Variants in ERC1 observed in about 807,000 individuals in gnomAD.
The protein encoded by ERC1 is RAB6 interacting protein 2.
Under a neutral mutation model 132.0 loss-of-function variants are expected in ERC1, and 56 were observed. The ratio of observed to expected loss-of-function variants is 0.42; its 90% CI spans 0.34 to 0.53. The LOEUF is 0.53. ERC1 is among the 20% of genes least tolerant of loss of function. The probability of loss-of-function intolerance (pLI) is 0.03; values close to 1 mark genes in which losing one functional copy is unlikely to be tolerated. For synonymous variants in ERC1, 478 were observed against 476.1 expected (o/e 1.00, Z -0.05); for missense variants, 1,202 against 1,349.9 (o/e 0.89, Z 1.72).
chr12:1,024,548 A>G (rs1966808434), intron 1 of ERC1, among the ~76,000 whole-genome samples: 1 of 152,144 alleles, frequency 6.6e-6, no homozygotes, highest in African/African-American at 2.4e-5. Context: ...TGACAATATG[A>G]TTTACTTGGT....
chr12:1,060,775 G>C (rs1937674605), intron 2 of ERC1, among the ~76,000 whole-genome samples: 2 of 150,188 alleles, frequency 1.3e-5, no homozygotes, highest in Admixed American at 1.3e-4. Flanking sequence ...GCCCAGGCTG[G>C]AGTGCAGTGG....
rs373521450 is a variant in ERC1, at chr12:1,196,836, GTC to G, written c.2351+6790_2351+6791del. On this transcript the variant is annotated intron_variant, in intron 12 of 18. Transcript: ENST00000360905. ...TCTCTCTCTCTCTCTCTCTCTGTCT[GTC>G]TCTCTGTCTGTCTCTCTCTCACTCT... 8.0e-3 allele frequency among the ~76,000 whole-genome samples: 392 copies of G among 49,262 alleles called. 32 individuals carry two copies. The highest frequency in any genetic ancestry group is 0.036 in the African/African-American group (378 of 10,646). 32.3% of individuals were successfully genotyped at this position (49,262 alleles called of 152,430 possible). A position where few individuals can be genotyped will look rare whatever the true frequency, so the allele number is the denominator to read the frequency against.
intron 17 of ERC1, among the ~76,000 whole-genome samples, chr12:1,429,046 T>A (rs2092719576): frequency 6.6e-6 from 1 of 152,186 alleles, no homozygotes; most frequent in Admixed American, 6.5e-5. Context: ...AGATGGCTTT[T>A]TTTTGGTGAA....
intron 15 of ERC1, among the ~76,000 whole-genome samples, chr12:1,325,860 A>AC (rs2082411964): frequency 6.6e-6 from 1 of 151,906 alleles, no homozygotes; most frequent in African/African-American, 2.4e-5. Context: ...GCTTCTCCAA[A>AC]CCTGTTTGCA....
intron 18 of ERC1, among the ~76,000 whole-genome samples, chr12:1,453,853 G>C (rs995202417): frequency 3.3e-5 from 5 of 151,984 alleles, no homozygotes; most frequent in Non-Finnish European, 7.4e-5. Context: ...GTATGATATT[G>C]TGATATAATA....
At chr12:1,437,720 G>A (rs2092988155) in intron 17 of ERC1, among the ~76,000 whole-genome samples, 1 of 152,148 alleles carries the variant, frequency 6.6e-6, no homozygotes, top group Non-Finnish European at 1.5e-5. Context: ...AGGACATAAT[G>A]TTTTCTCTTC....
At chr12:1,187,838 G>A (rs1955280183) in intron 11 of ERC1, among the ~76,000 whole-genome samples, 1 of 152,130 alleles carries the variant, frequency 6.6e-6, no homozygotes, top group South Asian at 2.1e-4. Flanking sequence ...ATAATTTATA[G>A]CCTCTATTAA....
intron 2 of ERC1, among the ~76,000 whole-genome samples, chr12:1,048,496 T>C (rs1205170565): frequency 1.3e-5 from 2 of 152,156 alleles, no homozygotes; most frequent in Admixed American, 6.5e-5. Context: ...CTTCAGAGGA[T>C]CTTGAAACAG....
chr12:1,400,844 G>A (rs1199361609), intron 16 of ERC1, among the ~76,000 whole-genome samples: 2 of 147,556 alleles, frequency 1.4e-5, no homozygotes, highest in African/African-American at 5.0e-5. Flanking sequence ...TTTACTGTAG[G>A]ATCTGAAATC....
At chr12:1,241,448 T>C (rs1425115639) in intron 13 of ERC1, among the ~76,000 whole-genome samples, 1 of 152,224 alleles carries the variant, frequency 6.6e-6, no homozygotes, top group Middle Eastern at 3.2e-3. Flanking sequence ...TCTTTTGAAA[T>C]TTATTAGATT....
chr12:1,051,395 A>C (rs1264165008), intron 2 of ERC1, among the ~76,000 whole-genome samples: 1 of 152,138 alleles, frequency 6.6e-6, no homozygotes, highest in African/African-American at 2.4e-5. Context: ...TATAATTAGA[A>C]ATAAAGAAGA....
At chr12:1,351,071 C>T (rs2084950424) in intron 15 of ERC1, among the ~76,000 whole-genome samples, 1 of 152,196 alleles carries the variant, frequency 6.6e-6, no homozygotes, top group African/African-American at 2.4e-5. Context: ...CAGGCCCCAC[C>T]TCCCAACACC....
intron 3 of ERC1, among the ~76,000 whole-genome samples, chr12:1,092,554 A>G (rs983342900): frequency 6.6e-6 from 1 of 152,222 alleles, no homozygotes; most frequent in African/African-American, 2.4e-5. Flanking sequence ...GTGAATCAGC[A>G]TTGAAACAAA....
At chr12:1,064,845 C>T (rs540500871) in intron 2 of ERC1, among the ~76,000 whole-genome samples, 31 of 152,258 alleles carry the variant, frequency 2.0e-4, no homozygotes, top group Admixed American at 2.6e-4. Context: ...GGAAGTTTTC[C>T]GCTATTATTT....
At chr12:1,456,752 C>A (rs910645381) in intron 18 of ERC1, among the ~76,000 whole-genome samples, 1 of 151,808 alleles carries the variant, frequency 6.6e-6, no homozygotes, top group African/African-American at 2.4e-5. Context: ...TCACAGTACT[C>A]CAGATGCAGT....
In ERC1 at chr12:1,477,685, A is replaced by C. The variant is rs117082069; in HGVS notation, c.3214-12408A>C. Among the ~76,000 whole-genome samples the C allele has an allele frequency of 7.6e-3, 1,151 of 152,290 alleles. 6 individuals are homozygous for C. The highest frequency in any genetic ancestry group is 0.012 in the Non-Finnish European group (850 of 68,024). On this transcript the variant is annotated intron_variant, in intron 18 of 18. Coordinates refer to ENST00000360905, the MANE Select transcript of ERC1 (RefSeq NM_178040.4). ...TAAACAAATCCTATGTATATAGCTG[A>C]ATTACACACTCATATAGCAAATTCT...
chr12:1,009,332 G>A (rs988905479), intron 1 of ERC1, among the ~76,000 whole-genome samples: 54 of 151,986 alleles, frequency 3.6e-4, no homozygotes, highest in Non-Finnish European at 6.3e-4. Context: ...CCGCCACCAC[G>A]CCCGGCTAAT....
In ERC1 at chr12:1,028,375, C is replaced by A; in HGVS notation, c.472C>A (p.Leu158Met). 6.2e-7 allele frequency: 1 copy of A among 1,614,108 alleles called. No homozygotes were observed. ...DNTIMDLQTQ[L>M]KEVLRENDLL... ...CACAATCATGGATCTGCAGACACAGCTGAAGGAAGTATTAAGAGAAAATGA... is the reference window on the plus strand; with the variant it reads ...CACAATCATGGATCTGCAGACACAGATGAAGGAAGTATTAAGAGAAAATGA... Residue 158 changes from leucine (L) to methionine (M), a missense_variant, in exon 2 of 19, where the codon CTG becomes ATG. Coordinates refer to ENST00000360905, the MANE Select transcript of ERC1 (RefSeq NM_178040.4).
chr12:1,480,751 G>T, intron 18 of ERC1: 6 of 688,766 alleles, frequency 8.7e-6, no homozygotes, highest in South Asian at 6.0e-5. Flanking sequence ...TGGGTAGTGG[G>T]CAGGGGGTTG....
Sources: allele counts gnomAD v4.1 joint callset (sites outside exome capture counted in the v4.1 genomes callset), GRCh38; gene constraint gnomAD v4.1.1; transcripts MANE v1.5; gene names NCBI Gene and HGNC (gene_info 2026-07-23, HGNC 2026-07-21).